HSD17B12: variants seen among roughly 807,000 people sequenced by gnomAD.
HSD17B12 encodes the protein very-long-chain 3-oxoacyl-CoA reductase.
A neutral mutation model predicts 39.3 loss-of-function variants in HSD17B12; 32 were observed. The ratio of observed to expected loss-of-function variants is 0.81; its 90% CI spans 0.61 to 1.09. HSD17B12 has a LOEUF of 1.09. Among genes scored for constraint, HSD17B12 ranks in the 50% least tolerant of loss-of-function variants. The pLI is 0.00. For synonymous variants in HSD17B12, 150 were observed against 146.7 expected, an observed-to-expected ratio of 1.02 and a Z score of -0.16; for missense variants, 342 against 382.9, an observed-to-expected ratio of 0.89 and a Z score of 0.89.
chr11:43,758,494 C>T (rs533225614), intron 3 of HSD17B12, among the ~76,000 whole-genome samples: 1 of 152,280 alleles, frequency 6.6e-6, no homozygotes, highest in Non-Finnish European at 1.5e-5. Context: ...TCAAATGAGA[C>T]TAGGTGTCTG....
At chr11:43,712,785 C>T (rs1312240284) in intron 1 of HSD17B12, among the ~76,000 whole-genome samples, 3 of 152,100 alleles carry the variant, frequency 2.0e-5, no homozygotes, top group Non-Finnish European at 2.9e-5. Flanking sequence ...GAGTTCACAA[C>T]GTTTACAAAA....
At chr11:43,845,700 A>G (rs971335300) in intron 9 of HSD17B12, among the ~76,000 whole-genome samples, 1 of 152,166 alleles carries the variant, frequency 6.6e-6, no homozygotes, top group Non-Finnish European at 1.5e-5. Flanking sequence ...GAGACACAGA[A>G]GATCCATCTG....
the HSD17B12 span, among the ~76,000 whole-genome samples, chr11:43,623,788 T>C: frequency 6.6e-6 from 1 of 152,014 alleles, no homozygotes; most frequent in African/African-American, 2.4e-5. Flanking sequence ...AACCCTGGTA[T>C]GTTTGAAAAT....
chr11:43,607,279 AGTGTGTGTGT>A, the HSD17B12 span, among the ~76,000 whole-genome samples: 54 of 145,382 alleles, frequency 3.7e-4, no homozygotes, highest in South Asian at 1.6e-3. Context: ...TGTGCTCCTG[AGTGTGTGTGT>A]GTGTGTGTGT....
At chr11:43,585,870 C>T in the HSD17B12 span, among the ~76,000 whole-genome samples, 1 of 152,052 alleles carries the variant, frequency 6.6e-6, no homozygotes, top group African/African-American at 2.4e-5. Flanking sequence ...GATTTTCTTG[C>T]CTGAAAGGTA....
chr11:43,691,780 G>T (rs1949865283), intron 1 of HSD17B12, among the ~76,000 whole-genome samples: 1 of 152,196 alleles, frequency 6.6e-6, no homozygotes, highest in South Asian at 2.1e-4. Context: ...CATCCTGGAT[G>T]ACGTCCTGTG....
chr11:43,709,260 G>A lies in HSD17B12; in HGVS notation c.160+28273G>A, dbSNP rs572293697. Among the ~76,000 whole-genome samples the A allele has an allele frequency of 1.3e-4, 20 of 152,308 alleles. No individual in the cohort carries two copies. The East Asian group carries it at 2.7e-3, about 21-fold the overall frequency. ...CCTGCCTCAGCCTCCCGAGTAGCGGGGATTACAGGCGCGCACCACCACACC... is the reference window on the plus strand; with the variant it reads ...CCTGCCTCAGCCTCCCGAGTAGCGGAGATTACAGGCGCGCACCACCACACC... On this transcript the variant is annotated intron_variant, in intron 1 of 10. Transcript: ENST00000278353.
chr11:43,586,745 A>G, the HSD17B12 span, among the ~76,000 whole-genome samples: 3 of 152,170 alleles, frequency 2.0e-5, no homozygotes, highest in African/African-American at 7.2e-5. Flanking sequence ...TCAGCTTTAC[A>G]TATTTCTACC....
chr11:43,598,378 T>G, the HSD17B12 span, among the ~76,000 whole-genome samples: 1 of 152,046 alleles, frequency 6.6e-6, no homozygotes, highest in Non-Finnish European at 1.5e-5. Flanking sequence ...CCACTTTTAT[T>G]AGTGAATCCG....
intron 9 of HSD17B12, among the ~76,000 whole-genome samples, chr11:43,843,161 A>G (rs1441289850): frequency 1.3e-5 from 2 of 152,322 alleles, no homozygotes; most frequent in South Asian, 2.1e-4. Context: ...AAAAATAAAG[A>G]CTCAAATGTT....
the HSD17B12 span, among the ~76,000 whole-genome samples, chr11:43,572,279 G>A: frequency 6.6e-6 from 1 of 152,198 alleles, no homozygotes; most frequent in Non-Finnish European, 1.5e-5. Flanking sequence ...CTTGAAATAG[G>A]ATGGAGGGGT....
intron 1 of HSD17B12, among the ~76,000 whole-genome samples, chr11:43,713,771 C>T (rs1180815359): frequency 6.6e-6 from 1 of 152,226 alleles, no homozygotes; most frequent in Admixed American, 6.5e-5. Flanking sequence ...TATTTCTCCA[C>T]ATCCTCTCCA....
chr11:43,656,245 TC>T, the HSD17B12 span, among the ~76,000 whole-genome samples: 2 of 151,096 alleles, frequency 1.3e-5, no homozygotes, highest in Non-Finnish European at 3.0e-5. Context: ...TGGGATCATT[TC>T]CCCCCTTTGT....
intron 1 of HSD17B12, among the ~76,000 whole-genome samples, chr11:43,703,335 C>G (rs1262094769): frequency 6.6e-6 from 1 of 151,204 alleles, no homozygotes; most frequent in Non-Finnish European, 1.5e-5. Flanking sequence ...GCTGGGACTA[C>G]AGGCGCCCGC....
chr11:43,690,394 ATATATATATATTT>A (rs1420686463), intron 1 of HSD17B12, among the ~76,000 whole-genome samples: 2 of 23,560 alleles, frequency 8.5e-5, no homozygotes, highest in African/African-American at 5.3e-4. Context: ...ATATATATAT[ATATATATATATTT>A]TTTTTTTTTT....
intron 9 of HSD17B12, 64 bp downstream of exon 9, chr11:43,840,128 T>G: frequency 7.6e-7 from 1 of 1,318,092 alleles, no homozygotes; most frequent in Non-Finnish European, 1.1e-6. Context: ...CAACTGTTGC[T>G]GTCTTGGCAA....
At chr11:43,690,400 ATATATT>A (rs1949850114) in intron 1 of HSD17B12, among the ~76,000 whole-genome samples, 1 of 27,164 alleles carries the variant, frequency 3.7e-5, no homozygotes, top group South Asian at 1.4e-3. Flanking sequence ...ATATATATAT[ATATATT>A]TTTTTTTTTT....
chr11:43,583,683 G>C, the HSD17B12 span, among the ~76,000 whole-genome samples: 15 of 151,890 alleles, frequency 9.9e-5, no homozygotes, highest in Non-Finnish European at 1.9e-4. Context: ...GGCAAAGTGG[G>C]GGGGGGTGCC....
At chr11:43,651,222 G>A in the HSD17B12 span, among the ~76,000 whole-genome samples, 1 of 152,178 alleles carries the variant, frequency 6.6e-6, no homozygotes, top group Non-Finnish European at 1.5e-5. Flanking sequence ...AGAGGATAAT[G>A]GAGAATGAGT....
Sources: gnomAD v4.1 joint callset for allele counts (sites outside exome capture counted in the v4.1 genomes callset) on GRCh38, gnomAD v4.1.1 for gene constraint, MANE v1.5 for transcripts, NCBI Gene and HGNC (gene_info 2026-07-23, HGNC 2026-07-21) for gene names.